SLC33A1: variants seen among roughly 807,000 people sequenced by gnomAD.
The protein encoded by SLC33A1 is acetyl-coenzyme A transporter 1.
SLC33A1 carries 20 observed loss-of-function variants against 50.0 expected under a neutral mutation model. The observed-to-expected ratio is 0.40, with a 90% confidence interval of 0.28 to 0.58. The LOEUF (loss-of-function observed/expected upper bound fraction) is 0.58, where lower values mean the gene tolerates loss of function less well. Among genes scored for constraint, SLC33A1 ranks in the 20% least tolerant of loss-of-function variants. The probability of loss-of-function intolerance (pLI) is 0.44; values close to 1 mark genes in which losing one functional copy is unlikely to be tolerated. For synonymous variants in SLC33A1, 265 were observed against 251.8 expected, an observed-to-expected ratio of 1.05 and a Z score of -0.50; for missense variants, 476 against 657.0, an observed-to-expected ratio of 0.72 and a Z score of 3.01.
At position 155,826,295 on chromosome 3, in the gene SLC33A1, G is replaced by A. The variant is rs1752195119; in HGVS notation, c.*1915C>T. ...CCAGCTACTCAGAGGACTGGGGCAG[G>A]AGAATCACTTGAACCCAGGAGGCAG... On this transcript the variant is annotated 3_prime_UTR_variant, in exon 6 of 6. Transcript: ENST00000643144. 6.6e-6 allele frequency: 1 copy of A among 151,950 alleles called. No homozygotes were observed. Among genetic ancestry groups the A allele is most frequent in the South Asian group, 2.1e-4 (1 of 4,820 alleles). 9.4% of individuals were successfully genotyped at this position (151,950 alleles called of 1,614,324 possible).
Position 155,828,145 on chromosome 3 carries a change from A to G in SLC33A1, c.*65T>C. ...TATTTTATACTCCTGTGCACTGATT[A>G]TCATTGCTCTCCGAATTAAAACTAA... On this transcript the variant is annotated 3_prime_UTR_variant, in exon 6 of 6. Coordinates refer to ENST00000643144, the MANE Select transcript of SLC33A1 (RefSeq NM_004733.4). 3 of 1,155,578 alleles carry G rather than the reference A, an allele frequency of 2.6e-6. No individual in the cohort carries two copies. The highest frequency in any genetic ancestry group is 1.9e-4 in the Middle Eastern group (1 of 5,194). The allele number at this position is 1,155,578 out of a possible 1,614,324, so 71.6% of individuals were successfully genotyped here.
rs1017145290 is a variant in SLC33A1, at chr3:155,854,156, C to A, written c.-159G>T. ...GATAAGGGCACTTCTTACTGCAGCCCGGAGTGCTGAAGCCGGGAGCCAGTC... is the reference window on the plus strand; with the variant it reads ...GATAAGGGCACTTCTTACTGCAGCCAGGAGTGCTGAAGCCGGGAGCCAGTC... On this transcript the variant is annotated 5_prime_UTR_variant, in exon 1 of 6. Coordinates refer to ENST00000643144, the MANE Select transcript of SLC33A1 (RefSeq NM_004733.4). The A allele has an allele frequency of 3.7e-6, 2 of 538,116 alleles. No individual in the cohort carries two copies. The highest frequency in any genetic ancestry group is 6.3e-6 in the Non-Finnish European group (2 of 316,908). 33.3% of individuals were successfully genotyped at this position (538,116 alleles called of 1,614,324 possible).
In SLC33A1 at chr3:155,821,171, A is replaced by G. The variant is rs1012037408; in HGVS notation, c.*7039T>C. On this transcript the variant is annotated 3_prime_UTR_variant, in exon 6 of 6. Coordinates refer to ENST00000643144, the MANE Select transcript of SLC33A1 (RefSeq NM_004733.4). ...TTTAACACACATCTTTTAATAAATT[A>G]ACCAAATATAACTAACAGTTCAGAT... The G allele has an allele frequency of 2.6e-5, 4 of 152,254 alleles. No individual in the cohort carries two copies. The highest frequency in any genetic ancestry group is 6.5e-5 in the Admixed American group (1 of 15,276). The allele number at this position is 152,254 out of a possible 1,614,324, so 9.4% of individuals were successfully genotyped here. A position where few individuals can be genotyped will look rare whatever the true frequency, so the allele number is the denominator to read the frequency against.
rs397991448 is a variant in SLC33A1 at position 155,831,457 on chromosome 3, C to CAAAAAAAAAAA, written c.1267-1565_1267-1555dup. 7.3e-4 allele frequency among the ~76,000 whole-genome samples: 34 copies of CAAAAAAAAAAA among 46,712 alleles called. 1 individual carries two copies. Among genetic ancestry groups the CAAAAAAAAAAA allele is most frequent in the African/African-American group, 1.7e-3 (30 of 17,212 alleles). 30.6% of individuals were successfully genotyped at this position (46,712 alleles called of 152,430 possible). On this transcript the variant is annotated intron_variant, in intron 4 of 5. Coordinates refer to ENST00000643144, the MANE Select transcript of SLC33A1 (RefSeq NM_004733.4). ...TGGGCAACAGAGTGAGACTCTGTCTCAAAAAAAAAAAAAAAAAAAAAAAAA... is the reference window on the plus strand; with the variant it reads ...TGGGCAACAGAGTGAGACTCTGTCTCAAAAAAAAAAAAAAAAAAAAAAAAAAAAAAAAAAAA...
At chr3:155,831,457 CAAAAAAAAAAAAAAA>C (rs397991448) in intron 4 of SLC33A1, among the ~76,000 whole-genome samples, 38 of 46,714 alleles carry the variant, frequency 8.1e-4, no homozygotes, top group African/African-American at 1.9e-3. Flanking sequence ...GACTCTGTCT[CAAAAAAAAAAAAAAA>C]AAAAAAAAAA....
rs1447815094 is a variant in SLC33A1 at position 155,827,370 on chromosome 3, A to G, written c.*840T>C. 6.6e-6 allele frequency: 1 copy of G among 152,184 alleles called. No homozygotes were observed. Among genetic ancestry groups the G allele is most frequent in the African/African-American group, 2.4e-5 (1 of 41,456 alleles). The allele number at this position is 152,184 out of a possible 1,614,324, so 9.4% of individuals were successfully genotyped here. A position where few individuals can be genotyped will look rare whatever the true frequency, so the allele number is the denominator to read the frequency against. ...TAATTTTTATTTTCAAAATGTTGCC[A>G]TAAACATACATACAACACTGAATTT... is the stretch of plus-strand genomic sequence containing the variant. On this transcript the variant is annotated 3_prime_UTR_variant, in exon 6 of 6. Coordinates refer to ENST00000643144, the MANE Select transcript of SLC33A1 (RefSeq NM_004733.4).
intron 1 of SLC33A1, among the ~76,000 whole-genome samples, chr3:155,851,870 T>G (rs905033937): frequency 2.6e-5 from 4 of 152,180 alleles, no homozygotes; most frequent in African/African-American, 9.7e-5. Context: ...ATTAGCAGTT[T>G]GAGGAGGTGT....
intron 2 of SLC33A1, among the ~76,000 whole-genome samples, chr3:155,838,507 C>G (rs776484421): frequency 2.7e-5 from 4 of 150,880 alleles, no homozygotes; most frequent in African/African-American, 9.8e-5. Context: ...ATGGTAAAAC[C>G]CTGTCTCTAC....
At chr3:155,834,653 A>G (rs1752579842) in intron 2 of SLC33A1, among the ~76,000 whole-genome samples, 1 of 152,204 alleles carries the variant, frequency 6.6e-6, no homozygotes, top group Admixed American at 6.5e-5. Flanking sequence ...TCTCCCCATG[A>G]GTCAGTTTTT....
chr3:155,854,282 G>A lies in SLC33A1; in HGVS notation c.-285C>T, dbSNP rs996692668. ...GGGCAGCAGCGCCGGGCTCGAGGCT[G>A]GAGGTGTGTGCCGTGGTGCCAGGAT... On this transcript the variant is annotated 5_prime_UTR_variant, in exon 1 of 6. Transcript: ENST00000643144. 2 of 324,740 alleles carry A rather than the reference G, an allele frequency of 6.2e-6. No homozygotes were observed. The highest frequency in any genetic ancestry group is 1.1e-5 in the Non-Finnish European group (2 of 176,880). The allele number at this position is 324,740 out of a possible 1,614,324, so 20.1% of individuals were successfully genotyped here. A position where few individuals can be genotyped will look rare whatever the true frequency, so the allele number is the denominator to read the frequency against.
rs1207200340 is a variant in SLC33A1, at chr3:155,826,848, G to C, written c.*1362C>G. The C allele has an allele frequency of 6.6e-6, 1 of 152,100 alleles. No individual in the cohort carries two copies. Among genetic ancestry groups the C allele is most frequent in the East Asian group, 1.9e-4 (1 of 5,198 alleles). 9.4% of individuals were successfully genotyped at this position (152,100 alleles called of 1,614,324 possible). ...TGTTATAAAATTAACAAAATCAGGA[G>C]TTAGTACACATTTTTCCACAATGAT... On this transcript the variant is annotated 3_prime_UTR_variant, in exon 6 of 6. Transcript: ENST00000643144.
chr3:155,842,366 A>T (rs1404494824), intron 2 of SLC33A1, 66 bp downstream of exon 2: 17 of 954,568 alleles, frequency 1.8e-5, no homozygotes. Flanking sequence ...TGAAAAAGGC[A>T]TTGTAAGTAT....
chr3:155,852,982 C>G (rs989391968), intron 1 of SLC33A1: 52 of 564,212 alleles, frequency 9.2e-5, no homozygotes, highest in Non-Finnish European at 1.4e-4. Context: ...TCCCTGGACT[C>G]GGTTGTGTTA....
chr3:155,844,470 T>C (rs1190621669), intron 1 of SLC33A1, among the ~76,000 whole-genome samples: 1 of 118,544 alleles, frequency 8.4e-6, no homozygotes, highest in Admixed American at 8.6e-5. Context: ...TTTTTTTTTT[T>C]TTTTTTTTTT....
intron 1 of SLC33A1, among the ~76,000 whole-genome samples, chr3:155,844,447 ATATATATATATTTTTTTTTTTTT>A (rs1324975770): frequency 1.4e-4 from 4 of 29,178 alleles, no homozygotes; most frequent in African/African-American, 6.6e-4. Context: ...ATATATATAT[ATATATATATATTTTTTTTTTTTT>A]TTTTTTTTTT....
At position 155,826,297 on chromosome 3, in the gene SLC33A1, G is replaced by C. The variant is rs1422261926; in HGVS notation, c.*1913C>G. 6.6e-6 allele frequency: 1 copy of C among 151,688 alleles called. No individual in the cohort carries two copies. Among genetic ancestry groups the C allele is most frequent in the Non-Finnish European group, 1.5e-5 (1 of 68,058 alleles). The allele number at this position is 151,688 out of a possible 1,614,324, so 9.4% of individuals were successfully genotyped here. ...AGCTACTCAGAGGACTGGGGCAGGA[G>C]AATCACTTGAACCCAGGAGGCAGAG... On this transcript the variant is annotated 3_prime_UTR_variant, in exon 6 of 6. Transcript: ENST00000643144.
In SLC33A1 at chr3:155,829,839, A is replaced by G; in HGVS notation, c.1331T>C (p.Ile444Thr). ...TAAAAGGGTCATGTATGTTCCTCCAATAAGTGGATCACTAACCTTTGCATT... is the reference window on the plus strand; with the variant it reads ...TAAAAGGGTCATGTATGTTCCTCCAGTAAGTGGATCACTAACCTTTGCATT... ...AFNAKVSDPL[I>T]GGTYMTLLNT... is the part of the protein sequence containing the mutation. The change falls in exon 5 of 6, where the codon ATT (isoleucine) becomes ACT (threonine). Residue 444 changes from isoleucine to threonine, a missense_variant. Ile to Thr is a moderately conservative substitution (Grantham distance 89). Coordinates refer to ENST00000643144, the MANE Select transcript of SLC33A1 (RefSeq NM_004733.4). 6.2e-7 allele frequency: 1 copy of G among 1,613,918 alleles called. No individual in the cohort carries two copies. Among genetic ancestry groups the G allele is most frequent in the Non-Finnish European group, 8.5e-7 (1 of 1,179,816 alleles).
chr3:155,843,471 A>G (rs1212346969), intron 1 of SLC33A1, among the ~76,000 whole-genome samples: 2 of 152,184 alleles, frequency 1.3e-5, no homozygotes, highest in African/African-American at 4.8e-5. Flanking sequence ...ACCCATGAAG[A>G]GTACTGTCTG....
intron 1 of SLC33A1, chr3:155,845,152 A>G (rs1411383898): frequency 6.6e-6 from 1 of 152,198 alleles, no homozygotes; most frequent in South Asian, 2.1e-4. Context: ...TTCCAGTTAT[A>G]TAAGACTTAA....
Sources: gnomAD v4.1 joint callset for allele counts (sites outside exome capture counted in the v4.1 genomes callset) on GRCh38, gnomAD v4.1.1 for gene constraint, MANE v1.5 for transcripts, NCBI Gene and HGNC (gene_info 2026-07-23, HGNC 2026-07-21) for gene names.